Variants in LRRTM4 observed in about 807,000 individuals in gnomAD.
The protein encoded by LRRTM4 is leucine-rich repeat transmembrane neuronal protein 4.
Under a neutral mutation model 47.6 loss-of-function variants are expected in LRRTM4, and 25 were observed. That is an observed-to-expected ratio of 0.53 (90% CI 0.38 to 0.73). The LOEUF (loss-of-function observed/expected upper bound fraction) is 0.73. LRRTM4 is among the 30% of genes least tolerant of loss of function. The pLI is 0.00. For missense variants in LRRTM4, 638 were observed against 713.4 expected, an observed-to-expected ratio of 0.89 and a Z score of 1.20; for synonymous variants, 311 against 269.5, an observed-to-expected ratio of 1.15 and a Z score of -1.51.
At chr2:77,244,080 T>C (rs1211011339) in intron 3 of LRRTM4, among the ~76,000 whole-genome samples, 3 of 132,872 alleles carry the variant, frequency 2.3e-5, no homozygotes, top group South Asian at 2.6e-4. Context: ...TTCATCCATG[T>C]CCCTACAAAG....
chr2:76,916,314 G>T (rs982324494), intron 3 of LRRTM4, among the ~76,000 whole-genome samples: 2 of 148,040 alleles, frequency 1.4e-5, no homozygotes, highest in African/African-American at 5.0e-5. Context: ...GAACCCGGTA[G>T]GTGGAGCTTG....
intron 3 of LRRTM4, among the ~76,000 whole-genome samples, chr2:76,824,983 A>G (rs1260824003): frequency 6.6e-6 from 1 of 151,576 alleles, no homozygotes; most frequent in Non-Finnish European, 1.5e-5. Context: ...CTTATTTATT[A>G]TTTACTTTAT....
chr2:77,495,813 C>T (rs1678341619), intron 3 of LRRTM4, among the ~76,000 whole-genome samples: 1 of 151,996 alleles, frequency 6.6e-6, no homozygotes, highest in Non-Finnish European at 1.5e-5. Context: ...AGTGCTGACA[C>T]TCCAGCTTTG....
intron 3 of LRRTM4, among the ~76,000 whole-genome samples, chr2:76,833,026 G>T (rs1043241072): frequency 1.1e-4 from 17 of 152,008 alleles, no homozygotes; most frequent in African/African-American, 2.7e-4. Context: ...ATGCTACTTT[G>T]GTGGGAAGAG....
At chr2:77,223,690 C>A (rs561797203) in intron 3 of LRRTM4, among the ~76,000 whole-genome samples, 229 of 152,232 alleles carry the variant, frequency 1.5e-3, no homozygotes, top group African/African-American at 4.8e-3. Flanking sequence ...CTACAAACCA[C>A]TACTCAATGA....
At chr2:76,753,024 A>G (rs1366849238) in intron 3 of LRRTM4, among the ~76,000 whole-genome samples, 4 of 152,184 alleles carry the variant, frequency 2.6e-5, no homozygotes, top group African/African-American at 9.6e-5. Flanking sequence ...AAAATCACAT[A>G]GAGAAATATA....
At chr2:77,093,780 C>T (rs535002273) in intron 3 of LRRTM4, among the ~76,000 whole-genome samples, 17 of 152,026 alleles carry the variant, frequency 1.1e-4, no homozygotes, top group African/African-American at 2.9e-4. Context: ...TGCCCTGCCC[C>T]GCCTTAACTG....
chr2:76,829,806 A>C (rs925932734), intron 3 of LRRTM4, among the ~76,000 whole-genome samples: 3 of 151,874 alleles, frequency 2.0e-5, no homozygotes, highest in Non-Finnish European at 4.4e-5. Context: ...AAAGTGTGAG[A>C]CCTCTGCCTT....
intron 3 of LRRTM4, among the ~76,000 whole-genome samples, chr2:77,373,467 T>G (rs1463229016): frequency 2.0e-5 from 3 of 151,722 alleles, no homozygotes; most frequent in Non-Finnish European, 2.9e-5. Context: ...ATAAAACTGG[T>G]GCTACATTTT....
chr2:77,495,002 G>A (rs966625635), intron 3 of LRRTM4, among the ~76,000 whole-genome samples: 1 of 152,022 alleles, frequency 6.6e-6, no homozygotes, highest in Non-Finnish European at 1.5e-5. Flanking sequence ...TTGCTGAATA[G>A]TATCCCATTA....
intron 3 of LRRTM4, among the ~76,000 whole-genome samples, chr2:76,833,044 G>C (rs947202449): frequency 6.6e-6 from 1 of 152,046 alleles, no homozygotes; most frequent in African/African-American, 2.4e-5. Context: ...GAGTGATGTT[G>C]AATTGTTTAA....
chr2:77,137,598 T>C (rs539930482), intron 3 of LRRTM4, among the ~76,000 whole-genome samples: 4 of 152,134 alleles, frequency 2.6e-5, no homozygotes, highest in Admixed American at 2.6e-4. Flanking sequence ...AACATCATAA[T>C]GACAGGATCA....
chr2:76,961,715 A>G (rs773888074), intron 3 of LRRTM4, among the ~76,000 whole-genome samples: 1 of 151,400 alleles, frequency 6.6e-6, no homozygotes, highest in Non-Finnish European at 1.5e-5. Context: ...TTGAATTTCT[A>G]AAATGAAGGG....
At chr2:76,842,691 C>G (rs1036070608) in intron 3 of LRRTM4, among the ~76,000 whole-genome samples, 18 of 151,972 alleles carry the variant, frequency 1.2e-4, no homozygotes, top group African/African-American at 3.9e-4. Context: ...GAGAATTAAC[C>G]TCCAATTTTC....
chr2:76,862,727 A>G (rs879502526), intron 3 of LRRTM4, among the ~76,000 whole-genome samples: 2 of 152,246 alleles, frequency 1.3e-5, no homozygotes, highest in Non-Finnish European at 2.9e-5. Flanking sequence ...TTTCTCTGTT[A>G]AACTGGATTT....
At chr2:77,138,897 C>A (rs1672030841) in intron 3 of LRRTM4, among the ~76,000 whole-genome samples, 1 of 152,110 alleles carries the variant, frequency 6.6e-6, no homozygotes, top group Non-Finnish European at 1.5e-5. Flanking sequence ...TTCCTGGACA[C>A]ATATATACTC....
At chr2:77,029,075 T>TA (rs1558537565) in intron 3 of LRRTM4, among the ~76,000 whole-genome samples, 5 of 145,724 alleles carry the variant, frequency 3.4e-5, no homozygotes, top group African/African-American at 1.3e-4. Context: ...ATATATAATA[T>TA]ATATATATTA....
intron 3 of LRRTM4, among the ~76,000 whole-genome samples, chr2:77,380,393 G>A (rs1673002716): frequency 6.6e-6 from 1 of 152,062 alleles, no homozygotes; most frequent in Non-Finnish European, 1.5e-5. Flanking sequence ...CAGGAATTCA[G>A]CTTCCAAAAA....
intron 3 of LRRTM4, among the ~76,000 whole-genome samples, chr2:76,998,148 C>T (rs1677270087): frequency 6.6e-6 from 1 of 152,060 alleles, no homozygotes; most frequent in African/African-American, 2.4e-5. Context: ...CACCCTGCTC[C>T]CCATGTCTGT....
Sources: gnomAD v4.1 joint callset for allele counts (sites outside exome capture counted in the v4.1 genomes callset) on GRCh38, gnomAD v4.1.1 for gene constraint, MANE v1.5 for transcripts, NCBI Gene and HGNC (gene_info 2026-07-23, HGNC 2026-07-21) for gene names.